Variants in TAFA1 observed in about 807,000 individuals in gnomAD.
TAFA1 encodes the protein chemokine-like protein TAFA-1.
TAFA1 carries 4 observed loss-of-function variants against 18.5 expected under a neutral mutation model. That is an observed-to-expected ratio of 0.22 (90% CI 0.11 to 0.49). TAFA1 has a LOEUF of 0.49. Ranked by LOEUF, TAFA1 falls within the 20% of genes least tolerant of loss-of-function variation. The pLI is 0.98. For synonymous variants in TAFA1, 56 were observed against 55.2 expected (o/e 1.01, Z -0.06); for missense variants, 147 against 169.0 (o/e 0.87, Z 0.72).
At chr3:68,169,452 C>T (rs367572884) in intron 2 of TAFA1, among the ~76,000 whole-genome samples, 2 of 152,362 alleles carry the variant, frequency 1.3e-5, no homozygotes, top group African/African-American at 4.8e-5. Context: ...CAAACAAATT[C>T]TACTTCCTTT....
intron 2 of TAFA1, among the ~76,000 whole-genome samples, chr3:68,060,204 T>TTGTGTGTGTG (rs56680758): frequency 2.7e-5 from 4 of 150,032 alleles, no homozygotes; most frequent in Non-Finnish European, 5.9e-5. Context: ...GTGTGTGTGT[T>TTGTGTGTGTG]TGTGTGTGTG....
chr3:68,017,373 G>A (rs1704591837), intron 2 of TAFA1, among the ~76,000 whole-genome samples: 2 of 152,334 alleles, frequency 1.3e-5, no homozygotes, highest in Admixed American at 1.3e-4. Context: ...TTTATGGCGT[G>A]CATGTTGCCA....
chr3:68,541,043 T>C (rs942238847), intron 4 of TAFA1, among the ~76,000 whole-genome samples: 1 of 152,208 alleles, frequency 6.6e-6, no homozygotes, highest in African/African-American at 2.4e-5. Context: ...CAAACTGCCA[T>C]TGCAGTCGGT....
intron 3 of TAFA1, among the ~76,000 whole-genome samples, chr3:68,502,329 T>C (rs1030064357): frequency 1.3e-5 from 2 of 152,094 alleles, no homozygotes; most frequent in Non-Finnish European, 2.9e-5. Context: ...ATTTGAGCCT[T>C]CTTGTGCTTT....
At chr3:68,330,152 A>C (rs1015944777) in intron 2 of TAFA1, among the ~76,000 whole-genome samples, 9 of 152,226 alleles carry the variant, frequency 5.9e-5, no homozygotes, top group African/African-American at 2.2e-4. Flanking sequence ...TATCATGGGC[A>C]AATGGTCAAA....
In TAFA1 at chr3:68,405,699, C is replaced by CA. The variant is rs56258198; in HGVS notation, c.119-11540dup. On this transcript the variant is annotated intron_variant, in intron 2 of 4. Transcript: ENST00000478136. ...TAGGCAATGGAGTGAGACTCTATCT[C>CA]AAAAAAAAAAAAAAAAAAAAAAAAA... Among the ~76,000 whole-genome samples the CA allele has an allele frequency of 1.7e-3, 57 of 32,884 alleles. 12 individuals are homozygous for CA. Among genetic ancestry groups the CA allele is most frequent in the Admixed American group, 3.6e-3 (7 of 1,968 alleles). The allele number at this position is 32,884 out of a possible 152,430, so 21.6% of individuals were successfully genotyped here.
chr3:68,508,882 T>C (rs1030667693), intron 3 of TAFA1, among the ~76,000 whole-genome samples: 1 of 151,854 alleles, frequency 6.6e-6, no homozygotes, highest in Non-Finnish European at 1.5e-5. Context: ...ATGAGAAGGC[T>C]GGCCAAGTAA....
chr3:68,230,023 G>A (rs2066852371), intron 2 of TAFA1, among the ~76,000 whole-genome samples: 1 of 151,980 alleles, frequency 6.6e-6, no homozygotes, highest in Non-Finnish European at 1.5e-5. Flanking sequence ...TGGGGTACAT[G>A]GGATATTTTA....
intron 2 of TAFA1, among the ~76,000 whole-genome samples, chr3:68,192,068 T>G (rs1191147498): frequency 6.6e-6 from 1 of 151,778 alleles, no homozygotes; most frequent in African/African-American, 2.4e-5. Flanking sequence ...ATCATCAGCT[T>G]TAGTTCCTAA....
chr3:68,410,538 T>TAACAGA (rs1408047510), intron 2 of TAFA1, among the ~76,000 whole-genome samples: 1 of 151,852 alleles, frequency 6.6e-6, no homozygotes, highest in East Asian at 1.9e-4. Context: ...GATTAACTGA[T>TAACAGA]AACAGAAACA....
chr3:68,337,305 G>A (rs1046422678), intron 2 of TAFA1, among the ~76,000 whole-genome samples: 8 of 152,036 alleles, frequency 5.3e-5, no homozygotes, highest in South Asian at 4.2e-4. Flanking sequence ...TGGGGCAGGG[G>A]GAGCGGGGGT....
chr3:68,207,744 G>A (rs936633494), intron 2 of TAFA1, among the ~76,000 whole-genome samples: 19 of 151,982 alleles, frequency 1.3e-4, no homozygotes, highest in African/African-American at 4.6e-4. Context: ...AATTACTAAT[G>A]TTTATTAATC....
Position 68,214,969 on chromosome 3 carries a change from A to C in TAFA1, c.119-202311A>C, listed in dbSNP as rs183431291. 3.9e-5 allele frequency among the ~76,000 whole-genome samples: 6 copies of C among 152,064 alleles called. No individual in the cohort carries two copies. In the South Asian group the frequency reaches 1.2e-3, roughly 32 times the overall value. ...TTGCACTTTTGCTTAGAGGTTGTAT[A>C]TACTGTTGCTGATCTGTGAAATGAA... is the stretch of plus-strand genomic sequence containing the variant. On this transcript the variant is annotated intron_variant, in intron 2 of 4. Coordinates refer to ENST00000478136, the MANE Select transcript of TAFA1 (RefSeq NM_213609.4).
At chr3:68,151,868 C>T (rs749480391) in intron 2 of TAFA1, among the ~76,000 whole-genome samples, 2 of 152,178 alleles carry the variant, frequency 1.3e-5, no homozygotes, top group Non-Finnish European at 2.9e-5. Flanking sequence ...TTCTATGTCT[C>T]ATTGCTACAA....
intron 2 of TAFA1, among the ~76,000 whole-genome samples, chr3:68,386,352 A>T: frequency 6.6e-6 from 1 of 152,072 alleles, no homozygotes; most frequent in East Asian, 1.9e-4. Context: ...ATTAGGTTAG[A>T]TTGTTCTCTG....
At chr3:68,394,993 T>A (rs1316979728) in intron 2 of TAFA1, among the ~76,000 whole-genome samples, 1 of 151,966 alleles carries the variant, frequency 6.6e-6, no homozygotes, top group African/African-American at 2.4e-5. Flanking sequence ...GAAGAAACTA[T>A]CATCTGAGTG....
chr3:68,164,862 A>G (rs1434537386), intron 2 of TAFA1, among the ~76,000 whole-genome samples: 4 of 152,076 alleles, frequency 2.6e-5, no homozygotes, highest in Non-Finnish European at 4.4e-5. Context: ...ACCTCTGCAT[A>G]TCCTCTGAGA....
At chr3:68,367,479 A>C (rs556284830) in intron 2 of TAFA1, among the ~76,000 whole-genome samples, 18 of 152,204 alleles carry the variant, frequency 1.2e-4, no homozygotes, top group Non-Finnish European at 2.4e-4. Context: ...GCGGTCACAT[A>C]CCATGATTTT....
chr3:68,075,793 C>G (rs1419489337), intron 2 of TAFA1, among the ~76,000 whole-genome samples: 1 of 151,520 alleles, frequency 6.6e-6, no homozygotes, highest in African/African-American at 2.4e-5. Context: ...ACCTTCCAGG[C>G]TCAGGCCATC....
Sources: gnomAD v4.1 joint callset for allele counts (sites outside exome capture counted in the v4.1 genomes callset) on GRCh38, gnomAD v4.1.1 for gene constraint, MANE v1.5 for transcripts, NCBI Gene and HGNC (gene_info 2026-07-23, HGNC 2026-07-21) for gene names.